BID: variants seen among roughly 807,000 people sequenced by gnomAD.
The protein encoded by BID is BH3 interacting domain death agonist.
A neutral mutation model predicts 17.4 loss-of-function variants in BID; 19 were observed. That is an observed-to-expected ratio of 1.09 (90% CI 0.76 to 1.60). The LOEUF (loss-of-function observed/expected upper bound fraction) is 1.60, where lower values mean the gene tolerates loss of function less well. Among genes scored for constraint, BID ranks in the 40% most tolerant of loss-of-function variants. The pLI, the probability that BID is intolerant of heterozygous loss-of-function variation, is 0.00. For missense variants in BID, 226 were observed against 256.0 expected (o/e 0.88, Z 0.80); for synonymous variants, 108 against 102.8 (o/e 1.05, Z -0.31).
chr22:17,747,328 C>T (rs964681461), intron 2 of BID, among the ~76,000 whole-genome samples: 4 of 152,138 alleles, frequency 2.6e-5, no homozygotes, highest in African/African-American at 9.7e-5. Flanking sequence ...TCTAGATCCA[C>T]TTTGTTTTTG....
At chr22:17,747,741 C>A (rs1382676925) in intron 2 of BID, among the ~76,000 whole-genome samples, 1 of 152,218 alleles carries the variant, frequency 6.6e-6, no homozygotes, top group Non-Finnish European at 1.5e-5. Flanking sequence ...CAAAAATGAT[C>A]TAATGGAGGC....
At chr22:17,762,784 CT>C (rs1235676711) in intron 1 of BID, among the ~76,000 whole-genome samples, 2 of 151,960 alleles carry the variant, frequency 1.3e-5, no homozygotes, top group Non-Finnish European at 1.5e-5. Context: ...TAATCAAACG[CT>C]TTTTGGTTCC....
In BID at chr22:17,773,865, A is replaced by T. The variant is rs1157727873; in HGVS notation, c.-59+516T>A. 3.0e-6 allele frequency: 2 copies of T among 668,934 alleles called. No individual in the cohort carries two copies. The highest frequency in any genetic ancestry group is 2.7e-5 in the Admixed American group (1 of 36,600). 41.4% of individuals were successfully genotyped at this position (668,934 alleles called of 1,614,324 possible). A position where few individuals can be genotyped will look rare whatever the true frequency, so the allele number is the denominator to read the frequency against. On this transcript the variant is annotated intron_variant, in intron 1 of 5. Transcript: ENST00000622694. The surrounding 1 kb of genome is among the most constrained non-coding windows in gnomAD (Gnocchi z 4.4). ...CTCTAAGGAGCGGGCGAGCCCCAGT[A>T]AGCGGCCGCTCTGACCGCGCTTTGT...
intron 1 of BID, among the ~76,000 whole-genome samples, chr22:17,757,275 C>T (rs1441346047): frequency 1.3e-5 from 2 of 151,738 alleles, no homozygotes; most frequent in East Asian, 3.9e-4. Context: ...ACTAGCCAGG[C>T]ATGGTGGCGT....
At chr22:17,745,880 C>A (rs1443678434) in intron 2 of BID, among the ~76,000 whole-genome samples, 1 of 151,938 alleles carries the variant, frequency 6.6e-6, no homozygotes, top group Non-Finnish European at 1.5e-5. Context: ...GCAGGAGAAT[C>A]GCTTGAACCC....
chr22:17,759,771 A>T (rs1282376393), intron 1 of BID, among the ~76,000 whole-genome samples: 1 of 152,148 alleles, frequency 6.6e-6, no homozygotes, highest in Non-Finnish European at 1.5e-5. Flanking sequence ...TTCTTACTGA[A>T]CCTATGCAAA....
At chr22:17,739,583 C>G in intron 3 of BID, 95 bp from the exon 4 acceptor site, 2 of 1,485,906 alleles carry the variant, frequency 1.3e-6, no homozygotes, top group Non-Finnish European at 1.8e-6. Flanking sequence ...AGGACAGGTC[C>G]GCGATGGGAC....
chr22:17,741,983 G>A (rs1159442356), intron 3 of BID, among the ~76,000 whole-genome samples: 4 of 152,102 alleles, frequency 2.6e-5, no homozygotes, highest in African/African-American at 7.2e-5. Context: ...TGCCTCGCTC[G>A]TTCCCGAAGC....
At chr22:17,751,612 C>T (rs190604141) in intron 1 of BID, among the ~76,000 whole-genome samples, 1 of 152,322 alleles carries the variant, frequency 6.6e-6, no homozygotes, top group Non-Finnish European at 1.5e-5. Flanking sequence ...AAAGCCTGTG[C>T]CCAGGCAGAG....
At chr22:17,757,189 CT>C (rs1169598879) in intron 1 of BID, among the ~76,000 whole-genome samples, 2 of 151,834 alleles carry the variant, frequency 1.3e-5, no homozygotes, top group African/African-American at 4.8e-5. Context: ...CCAGGGCAGG[CT>C]GATCACCTGA....
At chr22:17,764,351 G>A (rs1601876808) in intron 1 of BID, 1 of 153,680 alleles carries the variant, frequency 6.5e-6, no homozygotes, top group African/African-American at 2.4e-5. Context: ...GAGAGGGAAA[G>A]GAGAAAGAGC....
rs2061740131 is a variant in BID, at chr22:17,773,918, C to G, written c.-59+463G>C. On this transcript the variant is annotated intron_variant, in intron 1 of 5. Transcript: ENST00000622694. The surrounding 1 kb of genome is among the most constrained non-coding windows in gnomAD (Gnocchi z 4.4). ...GCCCTGAGCTCCGCTCGGGAGGAGC[C>G]GGCAGGTGTCTGCGGTGCTGGAAAG... The G allele has an allele frequency of 1.0e-5, 6 of 586,916 alleles. No homozygotes were observed. The highest frequency in any genetic ancestry group is 1.8e-5 in the Non-Finnish European group (6 of 328,488). The allele number at this position is 586,916 out of a possible 1,614,324, so 36.4% of individuals were successfully genotyped here.
chr22:17,735,608 G>A lies in BID; in HGVS notation c.577-17C>T. 6.2e-7 allele frequency: 1 copy of A among 1,614,100 alleles called. No homozygotes were observed. The highest frequency in any genetic ancestry group is 8.5e-7 in the Non-Finnish European group (1 of 1,180,004). ...GTCCATCCCCTAGAGCAAGAAAGGA[G>A]AAAAAGCCAGAATCAGCTAGGCTCA... is the stretch of plus-strand genomic sequence containing the variant. On this transcript the variant is annotated splice_polypyrimidine_tract_variant and intron_variant, in intron 5 of 5. Coordinates refer to ENST00000622694, the MANE Select transcript of BID (RefSeq NM_001196.4).
rs1446420972 is a variant in BID, at chr22:17,773,115, C to G, written c.-59+1266G>C. Among the ~76,000 whole-genome samples the G allele has an allele frequency of 2.0e-5, 3 of 152,166 alleles. No individual in the cohort carries two copies. Among genetic ancestry groups the G allele is most frequent in the Non-Finnish European group, 2.9e-5 (2 of 68,030 alleles). On this transcript the variant is annotated intron_variant, in intron 1 of 5. Transcript: ENST00000622694. This position sits in a 1 kb window ranked among gnomAD's most constrained non-coding sequence, Gnocchi z 4.4. ...AACCCCAGCCACGAACTGCTGACCCCGCATTTCCTCTTCCCTCCCTGGGCA... is the reference window on the plus strand; with the variant it reads ...AACCCCAGCCACGAACTGCTGACCCGGCATTTCCTCTTCCCTCCCTGGGCA...
At chr22:17,766,277 TCTTTC>T (rs1213016897) in intron 1 of BID, among the ~76,000 whole-genome samples, 5 of 150,016 alleles carry the variant, frequency 3.3e-5, no homozygotes, top group Non-Finnish European at 7.4e-5. Flanking sequence ...AGAATTTCTT[TCTTTC>T]TTTTTTTTTT....
chr22:17,767,972 T>G (rs1207404772), intron 1 of BID, among the ~76,000 whole-genome samples: 3 of 152,126 alleles, frequency 2.0e-5, no homozygotes, highest in Non-Finnish European at 4.4e-5. Context: ...TACTGTAACA[T>G]GAGTTACAGC....
At chr22:17,747,496 T>C (rs548375896) in intron 2 of BID, among the ~76,000 whole-genome samples, 1 of 152,096 alleles carries the variant, frequency 6.6e-6, no homozygotes, top group South Asian at 2.1e-4. Context: ...AATTTTTGTA[T>C]TTTTAGTAAA....
chr22:17,772,547 C>T (rs987313518), intron 1 of BID, among the ~76,000 whole-genome samples: 10 of 152,224 alleles, frequency 6.6e-5, no homozygotes, highest in African/African-American at 1.9e-4. Flanking sequence ...ACGTCGAGGA[C>T]CTGCTCAGCC....
chr22:17,740,404 C>A, intron 3 of BID: 1 of 516,026 alleles, frequency 1.9e-6, no homozygotes, highest in Non-Finnish European at 3.5e-6. Context: ...GCACCAGCAA[C>A]AAAGCAAGGC....
Sources: allele counts gnomAD v4.1 joint callset (sites outside exome capture counted in the v4.1 genomes callset), GRCh38; gene constraint gnomAD v4.1.1; non-coding constraint Gnocchi (gnomAD v3.1); transcripts MANE v1.5; gene names NCBI Gene and HGNC (gene_info 2026-07-23, HGNC 2026-07-21).